NFATC2: variants seen among roughly 807,000 people sequenced by gnomAD.
The protein encoded by NFATC2 is nuclear factor of activated T cells 2.
A neutral mutation model predicts 87.3 loss-of-function variants in NFATC2; 22 were observed. The observed-to-expected ratio is 0.25, with a 90% CI of 0.18 to 0.36. The LOEUF (loss-of-function observed/expected upper bound fraction) is 0.36, where lower values mean the gene tolerates loss of function less well. Ranked by LOEUF, NFATC2 falls within the 10% of genes least tolerant of loss-of-function variation. The pLI, the probability that NFATC2 is intolerant of heterozygous loss-of-function variation, is 1.00. For missense variants in NFATC2, 1,149 were observed against 1,259.1 expected, an observed-to-expected ratio of 0.91 and a Z score of 1.32; for synonymous variants, 565 against 542.2, an observed-to-expected ratio of 1.04 and a Z score of -0.58.
chr20:51,517,191 A>G lies in NFATC2; in HGVS notation c.1161-236T>C, dbSNP rs533269835. On this transcript the variant is annotated intron_variant, in intron 2 of 10. Coordinates refer to ENST00000371564, the MANE Select transcript of NFATC2 (RefSeq NM_012340.5). ...ATGGTATAGTGGCTCCTAGGCTACA[A>G]ACCTGTACAGCATGTGACTGTACTG... 3.3e-5 allele frequency among the ~76,000 whole-genome samples: 5 copies of G among 152,324 alleles called. No homozygotes were observed. The South Asian group carries it at 1.0e-3, about 32-fold the overall frequency.
intron 3 of NFATC2, among the ~76,000 whole-genome samples, chr20:51,493,421 G>A (rs1171686400): frequency 6.6e-6 from 1 of 152,174 alleles, no homozygotes; most frequent in Non-Finnish European, 1.5e-5. Flanking sequence ...CATTGCAACT[G>A]AGTGATGTGA....
chr20:51,523,395 G>C lies in NFATC2; in HGVS notation c.846C>G (p.His282Gln), dbSNP rs759871951. The stretch of plus-strand genomic sequence containing the variant: ...GGGAGCCGTGGTCCTGGGGTGCCAC[G>C]TGAGATGAGGGCTGCGGCGAGGGGC... ...SRSPSPQPSSHVAPQDHGSPA... is the reference protein window; with the variant it reads ...SRSPSPQPSSQVAPQDHGSPA... The change falls in exon 2 of 11, where the codon CAC (histidine) becomes CAG (glutamine). Residue 282 changes from histidine to glutamine, a missense_variant. Physicochemically the swap from His to Gln is conservative, Grantham distance 24. Transcript: ENST00000371564. This position sits in a 1 kb window ranked among gnomAD's most constrained non-coding sequence, Gnocchi z 6.9. 1 of 1,610,224 alleles carries C rather than the reference G, an allele frequency of 6.2e-7. No individual in the cohort carries two copies. The highest frequency in any genetic ancestry group is 8.5e-7 in the Non-Finnish European group (1 of 1,178,028).
chr20:51,412,732 G>GCTAT (rs1298743261), intron 9 of NFATC2, among the ~76,000 whole-genome samples: 1 of 152,078 alleles, frequency 6.6e-6, no homozygotes, highest in Non-Finnish European at 1.5e-5. Flanking sequence ...CCACGGGGAT[G>GCTAT]CTATCTTCGG....
chr20:51,523,017 A>T lies in NFATC2; in HGVS notation c.1160+64T>A. The T allele has an allele frequency of 1.2e-6, 2 of 1,600,020 alleles. No homozygotes were observed. Among genetic ancestry groups the T allele is most frequent in the Non-Finnish European group, 1.7e-6 (2 of 1,175,234 alleles). ...AAACCTGACTCTGAATCCCATGCTC[A>T]TAACCAGAAAACCATCTCTTAAAAC... On this transcript the variant is annotated intron_variant, in intron 2 of 10. Coordinates refer to ENST00000371564, the MANE Select transcript of NFATC2 (RefSeq NM_012340.5). This position sits in a 1 kb window ranked among gnomAD's most constrained non-coding sequence, Gnocchi z 6.9.
At chr20:51,454,461 C>G in intron 6 of NFATC2, 87 bp downstream of exon 6, 1 of 1,491,038 alleles carries the variant, frequency 6.7e-7, no homozygotes, top group South Asian at 1.3e-5. Flanking sequence ...GGGATCTACC[C>G]CCCAAAACCA....
chr20:51,562,555 G>C lies in NFATC2; in HGVS notation c.70+5C>G, dbSNP rs1449935830. ...AAAGGCTGGAAGGGATCGAGAGTCA[G>C]TTACCTTGGTCCACAGACCCCATGA... On this transcript the variant is annotated splice_donor_5th_base_variant and intron_variant, in intron 1 of 10. Coordinates refer to the NFATC2 transcript ENST00000414705. The surrounding 1 kb of genome is among the most constrained non-coding windows in gnomAD (Gnocchi z 5.8). The C allele has an allele frequency of 6.5e-7, 1 of 1,550,306 alleles. No individual in the cohort carries two copies. The highest frequency in any genetic ancestry group is 2.4e-5 in the East Asian group (1 of 40,880).
intron 6 of NFATC2, among the ~76,000 whole-genome samples, chr20:51,441,569 T>C (rs574236269): frequency 9.4e-4 from 143 of 151,340 alleles, no homozygotes; most frequent in African/African-American, 3.4e-3. Flanking sequence ...TACAAAAAAT[T>C]AGCTGGGCGT....
At chr20:51,409,333 C>A (rs543505936) in intron 9 of NFATC2, among the ~76,000 whole-genome samples, 1 of 152,230 alleles carries the variant, frequency 6.6e-6, no homozygotes, top group South Asian at 2.1e-4. Context: ...AATCTGGAAA[C>A]AATCAAATGC....
rs1437585134 is a variant in NFATC2, at chr20:51,542,406, T to C, written c.94A>G (p.Ile32Val). 10 of 1,605,428 alleles carry C rather than the reference T, an allele frequency of 6.2e-6. No individual in the cohort carries two copies. The African/African-American group carries it at 8.2e-5, about 13-fold the overall frequency. The stretch of plus-strand genomic sequence containing the variant: ...TTCAAATACTCATAGTCGAAGAGGA[T>C]GGAGAAGTCAAGCTCGTCTTGGGGG... ...GSPQDELDFS[I>V]LFDYEYLNPN... Residue 32 changes from isoleucine (I) to valine (V), a missense_variant, in exon 1 of 11, where the codon ATC becomes GTC. Ile to Val is a conservative substitution (Grantham distance 29). Around this residue, in one of 3 missense-constraint regions of NFATC2, gnomAD observed 563 missense variants for 585.2 expected, o/e 0.96. Transcript: ENST00000371564.
intron 6 of NFATC2, among the ~76,000 whole-genome samples, chr20:51,454,229 T>TC (rs1481876468): frequency 3.9e-5 from 6 of 152,154 alleles, no homozygotes; most frequent in African/African-American, 1.4e-4. Context: ...CTGTTTGGCC[T>TC]CCCTTCTTGA....
chr20:51,447,568 G>A (rs1012912657), intron 6 of NFATC2, among the ~76,000 whole-genome samples: 18 of 152,246 alleles, frequency 1.2e-4, no homozygotes, highest in East Asian at 9.6e-4. Context: ...CCCCTTTCCC[G>A]CTGCCACATC....
chr20:51,492,904 A>G (rs1392208859), intron 3 of NFATC2, among the ~76,000 whole-genome samples: 1 of 152,268 alleles, frequency 6.6e-6, no homozygotes, highest in Non-Finnish European at 1.5e-5. Context: ...TTCCTCGGTC[A>G]GCGACGTATC....
In NFATC2 at chr20:51,446,871, G is replaced by C. The variant is rs145331540; in HGVS notation, c.1849+7677C>G. Among the ~76,000 whole-genome samples, 596 of 152,298 alleles carry C rather than the reference G, an allele frequency of 3.9e-3. 3 individuals are homozygous for C. Among genetic ancestry groups the C allele is most frequent in the Non-Finnish European group, 6.2e-3 (425 of 68,026 alleles). On this transcript the variant is annotated intron_variant, in intron 6 of 10. Transcript: ENST00000371564. ...ATGAGTCACAGAGGGCAAAGGTCCGGAGAGCCTTAGTCATGCCCCAGCCCT... is the reference window on the plus strand; with the variant it reads ...ATGAGTCACAGAGGGCAAAGGTCCGCAGAGCCTTAGTCATGCCCCAGCCCT...
At chr20:51,452,894 A>G (rs201902145) in intron 6 of NFATC2, 2 of 154,806 alleles carry the variant, frequency 1.3e-5, no homozygotes, top group East Asian at 3.9e-4. Context: ...TAGATGATGG[A>G]GAGTTTCCGC....
chr20:51,446,933 C>G (rs1261291058), intron 6 of NFATC2, among the ~76,000 whole-genome samples: 1 of 152,192 alleles, frequency 6.6e-6, no homozygotes, highest in Non-Finnish European at 1.5e-5. Context: ...GAAGCCCCAT[C>G]TAGAGACTCC....
chr20:51,556,255 T>C (rs567573186), intron 1 of NFATC2, among the ~76,000 whole-genome samples: 1 of 152,318 alleles, frequency 6.6e-6, no homozygotes, highest in African/African-American at 2.4e-5. Flanking sequence ...TCTAGAACTA[T>C]GAGAGAATAA....
At chr20:51,396,038 GTATATATATA>G (rs1161908517) in intron 10 of NFATC2, among the ~76,000 whole-genome samples, 931 of 20,134 alleles carry the variant, frequency 0.046, 8 homozygotes, top group Admixed American at 0.068. Flanking sequence ...CTCCTAGTAT[GTATATATATA>G]TATATATATA....
At chr20:51,502,027 CTT>C (rs781746488) in intron 3 of NFATC2, among the ~76,000 whole-genome samples, 28 of 152,300 alleles carry the variant, frequency 1.8e-4, no homozygotes, top group Non-Finnish European at 3.1e-4. Flanking sequence ...TTTGACGACT[CTT>C]TTTCTGGAAT....
chr20:51,461,726 G>A (rs183334181), intron 5 of NFATC2, among the ~76,000 whole-genome samples: 37 of 152,360 alleles, frequency 2.4e-4, no homozygotes, highest in African/African-American at 7.7e-4. Flanking sequence ...GAAATTCGCC[G>A]TCAAGCCGGG....
Sources: gnomAD v4.1 joint callset for allele counts (sites outside exome capture counted in the v4.1 genomes callset) on GRCh38, gnomAD v4.1.1 for gene constraint, gnomAD v4.1.1 regional missense constraint, Gnocchi (gnomAD v3.1) non-coding constraint, MANE v1.5 for transcripts, NCBI Gene and HGNC (gene_info 2026-07-23, HGNC 2026-07-21) for gene names.